The following CTNNA2 variants were observed in gnomAD, a reference collection of about 807,000 sequenced individuals.
CTNNA2 encodes catenin alpha 2, also known as catenin alpha-2.
In CTNNA2, 42 loss-of-function variants were observed where a neutral mutation model predicts 101.0. The observed-to-expected ratio is 0.42, with a 90% CI of 0.32 to 0.54. The LOEUF (loss-of-function observed/expected upper bound fraction) is 0.54. Ranked by LOEUF, CTNNA2 falls within the 20% of genes least tolerant of loss-of-function variation. The pLI is 0.14. For missense variants in CTNNA2, 871 were observed against 1,223.1 expected, an observed-to-expected ratio of 0.71 and a Z score of 4.29; for synonymous variants, 450 against 456.4, an observed-to-expected ratio of 0.99 and a Z score of 0.18.
chr2:80,491,419 G>A (rs1159581545), intron 9 of CTNNA2, among the ~76,000 whole-genome samples: 1 of 152,190 alleles, frequency 6.6e-6, no homozygotes, highest in Non-Finnish European at 1.5e-5. Context: ...TGTTCCATGT[G>A]TAGTTAGACT....
chr2:79,698,478 A>G (rs1684786758), intron 2 of CTNNA2, among the ~76,000 whole-genome samples: 1 of 152,090 alleles, frequency 6.6e-6, no homozygotes, highest in South Asian at 2.1e-4. Context: ...TGCAACAAAT[A>G]ATATTTCATT....
chr2:79,250,062 T>C (rs1210087010), intron 2 of CTNNA2, among the ~76,000 whole-genome samples: 1 of 152,162 alleles, frequency 6.6e-6, no homozygotes, highest in Non-Finnish European at 1.5e-5. Context: ...TCCCATTGAC[T>C]GCACTGGTAT....
chr2:80,227,438 G>C (rs79026062), intron 7 of CTNNA2, among the ~76,000 whole-genome samples: 13 of 152,150 alleles, frequency 8.5e-5, no homozygotes, highest in African/African-American at 3.1e-4. Flanking sequence ...TGACTTCTGC[G>C]TTTAGGGTCT....
At chr2:79,454,087 G>A (rs983972953) in intron 4 of CTNNA2, among the ~76,000 whole-genome samples, 1 of 152,086 alleles carries the variant, frequency 6.6e-6, no homozygotes, top group African/African-American at 2.4e-5. Context: ...CTAATCCTAG[G>A]TCATAGACAT....
At chr2:80,396,478 C>A (rs903672313) in intron 8 of CTNNA2, among the ~76,000 whole-genome samples, 1 of 152,190 alleles carries the variant, frequency 6.6e-6, no homozygotes, top group Middle Eastern at 3.2e-3. Context: ...AGTGTGGAAA[C>A]AATAGCTCTT....
intron 17 of CTNNA2, 145 bp downstream of exon 17, chr2:80,608,463 T>G: frequency 1.4e-6 from 1 of 738,402 alleles, no homozygotes. Context: ...TCACCATTAT[T>G]CCAGACCTTA....
At chr2:79,854,127 T>C (rs1680946055) in intron 3 of CTNNA2, among the ~76,000 whole-genome samples, 5 of 152,226 alleles carry the variant, frequency 3.3e-5, no homozygotes, top group Admixed American at 3.3e-4. Context: ...AGCACCATTT[T>C]TTTTTTATAT....
intron 2 of CTNNA2, among the ~76,000 whole-genome samples, chr2:79,296,824 A>C (rs181553323): frequency 6.6e-6 from 1 of 152,122 alleles, no homozygotes; most frequent in African/African-American, 2.4e-5. Context: ...AACTCCTTAC[A>C]TTCAAAAATG....
In CTNNA2 at chr2:80,164,950, T is replaced by TTTTTTTTTTG. The variant is rs1553461433; in HGVS notation, c.1057-228254_1057-228253insTTGTTTTTTT. On this transcript the variant is annotated intron_variant, in intron 7 of 18. Transcript: ENST00000402739. ...TTTCCCAACTTTTGGTTTTTTTTTT[T>TTTTTTTTTTG]TTTTTTTCTAGATAAGACTTGTATT... Among the ~76,000 whole-genome samples the TTTTTTTTTTG allele has an allele frequency of 3.9e-3, 580 of 148,748 alleles. 2 individuals carry two copies. The highest frequency in any genetic ancestry group is 0.014 in the African/African-American group (543 of 39,640).
intron 9 of CTNNA2, among the ~76,000 whole-genome samples, chr2:80,489,477 A>G (rs903754754): frequency 5.3e-5 from 8 of 152,194 alleles, no homozygotes; most frequent in Non-Finnish European, 5.9e-5. Context: ...TTTCTTTTTC[A>G]GTAGATCATC....
chr2:80,099,206 A>T (rs568000076), intron 7 of CTNNA2, among the ~76,000 whole-genome samples: 9 of 152,188 alleles, frequency 5.9e-5, no homozygotes, highest in South Asian at 2.1e-4. Flanking sequence ...CATTAAGAAT[A>T]AGTCCTGACT....
At chr2:79,619,305 G>T (rs930609143) in intron 1 of CTNNA2, among the ~76,000 whole-genome samples, 3 of 152,066 alleles carry the variant, frequency 2.0e-5, no homozygotes, top group Non-Finnish European at 4.4e-5. Flanking sequence ...GAAAGAAGAA[G>T]GGCACTGCAG....
chr2:79,210,466 C>G (rs11682628), intron 2 of CTNNA2, among the ~76,000 whole-genome samples: 25,089 of 152,018 alleles, frequency 0.17, 2,302 homozygotes, highest in African/African-American at 0.19. Flanking sequence ...AGCACACACA[C>G]AAACACACCC....
chr2:79,202,286 A>G (rs1674045669), intron 2 of CTNNA2, among the ~76,000 whole-genome samples: 1 of 150,550 alleles, frequency 6.6e-6, no homozygotes, highest in Non-Finnish European at 1.5e-5. Context: ...CTTTCACAGT[A>G]CTCTCAGTCA....
intron 2 of CTNNA2, among the ~76,000 whole-genome samples, chr2:79,710,045 A>G (rs978503122): frequency 5.3e-5 from 8 of 152,082 alleles, no homozygotes; most frequent in Non-Finnish European, 8.8e-5. Flanking sequence ...TGGTGAGGAA[A>G]AATCCCGATA....
intron 7 of CTNNA2, among the ~76,000 whole-genome samples, chr2:80,089,147 GT>G (rs908220580): frequency 1.3e-5 from 2 of 151,930 alleles, no homozygotes; most frequent in African/African-American, 4.8e-5. Flanking sequence ...TCCTTAGCTG[GT>G]TTTTCTGAAC....
chr2:80,154,048 CAAAG>C (rs1033707371), intron 7 of CTNNA2, among the ~76,000 whole-genome samples: 3 of 152,052 alleles, frequency 2.0e-5, no homozygotes, highest in Non-Finnish European at 2.9e-5. Flanking sequence ...AAAATGTAAA[CAAAG>C]AAAGACCTAT....
intron 7 of CTNNA2, among the ~76,000 whole-genome samples, chr2:79,919,441 C>T (rs961155234): frequency 1.3e-5 from 2 of 152,104 alleles, no homozygotes; most frequent in Admixed American, 6.5e-5. Flanking sequence ...AAAGGTGGTT[C>T]GGTCAATAGG....
intron 3 of CTNNA2, among the ~76,000 whole-genome samples, chr2:79,357,796 A>C (rs1010064911): frequency 3.2e-4 from 49 of 152,352 alleles, no homozygotes; most frequent in African/African-American, 1.2e-3. Context: ...CTGAATAAAG[A>C]AAGCCAGAAA....
Sources: allele counts gnomAD v4.1 joint callset (sites outside exome capture counted in the v4.1 genomes callset), GRCh38; gene constraint gnomAD v4.1.1; transcripts MANE v1.5; gene names NCBI Gene and HGNC (gene_info 2026-07-23, HGNC 2026-07-21).